Variants in LRP2 observed in about 807,000 individuals in gnomAD.
LRP2 encodes LDL receptor related protein 2, also known as low-density lipoprotein receptor-related protein 2.
Under a neutral mutation model 531.0 loss-of-function variants are expected in LRP2, and 172 were observed. The ratio of observed to expected loss-of-function variants is 0.32; its 90% CI spans 0.29 to 0.37. The LOEUF is 0.37. LRP2 is among the 10% of genes least tolerant of loss of function. The pLI is 1.00. For synonymous variants in LRP2, 1,992 were observed against 2,027.6 expected (o/e 0.98, Z 0.47); for missense variants, 5,167 against 5,868.3 (o/e 0.88, Z 3.90).
At chr2:169,130,407 C>T (rs1161683175) in intron 77 of LRP2, among the ~76,000 whole-genome samples, 2 of 151,920 alleles carry the variant, frequency 1.3e-5, no homozygotes, top group Admixed American at 6.6e-5. Flanking sequence ...CCCACCTCAG[C>T]CTCCTGAATA....
At chr2:169,169,856 C>A (rs775557777) in intron 59 of LRP2, 38 bp from the exon 60 acceptor site, 12 of 1,361,310 alleles carry the variant, frequency 8.8e-6, no homozygotes, top group African/African-American at 1.4e-5. Context: ...AAGGCCTTGT[C>A]ATTTTCAGAC....
chr2:169,154,428 T>C, intron 66 of LRP2, 32 bp downstream of exon 66: 1 of 1,593,766 alleles, frequency 6.3e-7, no homozygotes, highest in Non-Finnish European at 8.6e-7. Flanking sequence ...AGTCACTTAA[T>C]ATCAATGAAA....
chr2:169,173,348 C>T (rs945790216), intron 56 of LRP2, 124 bp from the exon 57 acceptor site: 9 of 1,135,336 alleles, frequency 7.9e-6, no homozygotes, highest in Middle Eastern at 2.0e-4. Flanking sequence ...CCGCCTCTGG[C>T]GATATGTGTC....
chr2:169,256,032 A>C, intron 19 of LRP2, 74 bp downstream of exon 19: 1 of 1,497,232 alleles, frequency 6.7e-7, no homozygotes, highest in Non-Finnish European at 9.3e-7. Context: ...TGAAAATGCC[A>C]CATGAGGATG....
intron 46 of LRP2, 111 bp downstream of exon 46, chr2:169,196,800 G>T: frequency 7.0e-7 from 1 of 1,437,508 alleles, no homozygotes. Context: ...GCTGGGACAG[G>T]AAGTCCAAGC....
At chr2:169,237,078 A>C (rs779479680) in intron 28 of LRP2, 25 bp downstream of exon 28, 1 of 1,592,176 alleles carries the variant, frequency 6.3e-7, no homozygotes, top group South Asian at 1.1e-5. Context: ...TGTCAAGGCA[A>C]CATAATTTTA....
intron 14 of LRP2, among the ~76,000 whole-genome samples, chr2:169,274,369 A>G (rs1683497940): frequency 6.6e-6 from 1 of 152,182 alleles, no homozygotes; most frequent in Non-Finnish European, 1.5e-5. Flanking sequence ...GGATCGCTTG[A>G]AGCCCGGAGT....
At chr2:169,221,641 CTG>C (rs1328362658) in intron 33 of LRP2, among the ~76,000 whole-genome samples, 5 of 152,166 alleles carry the variant, frequency 3.3e-5, no homozygotes, top group Admixed American at 1.3e-4. Context: ...TTGTGTTTCT[CTG>C]TCTCTCATAC....
chr2:169,327,883 T>C (rs1574262104), intron 1 of LRP2, among the ~76,000 whole-genome samples: 1 of 45,476 alleles, frequency 2.2e-5, no homozygotes, highest in Admixed American at 1.9e-4. Context: ...GGAAGGGAGG[T>C]GGGGGGGTCA....
intron 16 of LRP2, among the ~76,000 whole-genome samples, chr2:169,268,635 C>A (rs1683304575): frequency 6.6e-6 from 1 of 152,212 alleles, no homozygotes; most frequent in African/African-American, 2.4e-5. Flanking sequence ...GACAAACCCA[C>A]AGCCAATATC....
At position 169,221,663 on chromosome 2, in the gene LRP2, C is replaced by A. The variant is rs1325584454; in HGVS notation, c.5539-1100G>T. ...TCTCTGTCTCTCATACATGCGTGTG[C>A]ACGTGTGTGCACGCATTCACACGCA... On this transcript the variant is annotated intron_variant, in intron 33 of 78. Coordinates refer to ENST00000649046, the MANE Select transcript of LRP2 (RefSeq NM_004525.3). Among the ~76,000 whole-genome samples the A allele has an allele frequency of 3.3e-5, 5 of 152,192 alleles. No homozygotes were observed. In the East Asian group the frequency reaches 9.6e-4, roughly 29 times the overall value.
At chr2:169,361,689 C>T (rs1200431211) in intron 1 of LRP2, among the ~76,000 whole-genome samples, 1 of 152,154 alleles carries the variant, frequency 6.6e-6, no homozygotes, top group Non-Finnish European at 1.5e-5. Flanking sequence ...CAAAAGCCCC[C>T]AGCTCCCAGC....
intron 1 of LRP2, among the ~76,000 whole-genome samples, chr2:169,358,910 A>AAAG (rs1553517975): frequency 6.6e-6 from 1 of 151,108 alleles, no homozygotes; most frequent in African/African-American, 2.4e-5. Context: ...AAAAAAAAAA[A>AAAG]AAAAAAGAAA....
intron 1 of LRP2, among the ~76,000 whole-genome samples, chr2:169,331,851 A>G (rs1055308591): frequency 1.3e-5 from 2 of 152,238 alleles, no homozygotes; most frequent in African/African-American, 4.8e-5. Context: ...TTGATTAGCA[A>G]TATAAATTAC....
intron 57 of LRP2, 151 bp downstream of exon 57, chr2:169,172,945 A>C: frequency 9.9e-7 from 1 of 1,007,768 alleles, no homozygotes; most frequent in Non-Finnish European, 1.5e-6. Flanking sequence ...ACAAAAATGT[A>C]ACATGTTATT....
At chr2:169,192,145 A>G in intron 47 of LRP2, 112 bp from the exon 48 acceptor site, 1 of 681,284 alleles carries the variant, frequency 1.5e-6, no homozygotes, top group Non-Finnish European at 2.4e-6. Context: ...TGGGAGGAAA[A>G]CACGTAGACA....
At chr2:169,260,064 A>G (rs1690485062) in intron 16 of LRP2, among the ~76,000 whole-genome samples, 1 of 152,124 alleles carries the variant, frequency 6.6e-6, no homozygotes. Context: ...GGATTCATCC[A>G]TCCTCACAGC....
At chr2:169,231,966 CT>C in intron 30 of LRP2, 124 bp from the exon 31 acceptor site, 2 of 1,205,304 alleles carry the variant, frequency 1.7e-6, no homozygotes, top group South Asian at 2.6e-5. Context: ...ACGTTGTTAC[CT>C]CTGTTGTTTT....
chr2:169,212,586 T>G (rs1281429650), intron 36 of LRP2, among the ~76,000 whole-genome samples: 1 of 152,234 alleles, frequency 6.6e-6, no homozygotes, highest in East Asian at 1.9e-4. Flanking sequence ...GAAATAAGAT[T>G]TAAAGAATAG....
Sources: gnomAD v4.1 joint callset for allele counts (sites outside exome capture counted in the v4.1 genomes callset) on GRCh38, gnomAD v4.1.1 for gene constraint, MANE v1.5 for transcripts, NCBI Gene and HGNC (gene_info 2026-07-23, HGNC 2026-07-21) for gene names.